Variants in USH2A observed in about 807,000 individuals in gnomAD.
The protein encoded by USH2A is Usher syndrome 2A (autosomal recessive, mild).
In USH2A, 443 loss-of-function variants were observed where a neutral mutation model predicts 538.9. That is an observed-to-expected ratio of 0.82 (90% CI 0.76 to 0.89). The LOEUF (loss-of-function observed/expected upper bound fraction) is 0.89, where lower values mean the gene tolerates loss of function less well. Ranked by LOEUF, USH2A falls within the 40% of genes least tolerant of loss-of-function variation. The probability of loss-of-function intolerance (pLI) is 0.00; values close to 1 mark genes in which losing one functional copy is unlikely to be tolerated. For missense variants in USH2A, 6,633 were observed against 6,324.8 expected, an observed-to-expected ratio of 1.05 and a Z score of -1.65; for synonymous variants, 2,413 against 2,273.5, an observed-to-expected ratio of 1.06 and a Z score of -1.75.
chr1:216,280,179 T>A (rs1448141084), intron 11 of USH2A, among the ~76,000 whole-genome samples: 2 of 151,616 alleles, frequency 1.3e-5, no homozygotes, highest in East Asian at 1.9e-4. Context: ...CAACTCAGGA[T>A]GCATGTCAAG....
At chr1:216,216,843 C>T (rs2035351678) in intron 15 of USH2A, among the ~76,000 whole-genome samples, 1 of 151,948 alleles carries the variant, frequency 6.6e-6, no homozygotes. Context: ...TAGAAAGAAA[C>T]ATGAATTATG....
chr1:215,638,618 CAA>C (rs373591243), intron 69 of USH2A, among the ~76,000 whole-genome samples: 18 of 87,542 alleles, frequency 2.1e-4, no homozygotes, highest in Middle Eastern at 8.5e-3. Context: ...GACTCTGTCT[CAA>C]AAAAAAAAAA....
At chr1:215,870,757 T>C (rs898897311) in intron 43 of USH2A, among the ~76,000 whole-genome samples, 3 of 152,206 alleles carry the variant, frequency 2.0e-5, no homozygotes, top group Non-Finnish European at 4.4e-5. Context: ...AATGTATTAG[T>C]TGGCTTGAAG....
intron 64 of USH2A, among the ~76,000 whole-genome samples, chr1:215,656,496 A>T (rs1657257882): frequency 6.6e-6 from 1 of 152,194 alleles, no homozygotes; most frequent in Non-Finnish European, 1.5e-5. Flanking sequence ...CTCCTCATAA[A>T]ATTGTAATAC....
At chr1:215,634,812 A>C (rs1656424643) in intron 69 of USH2A, 109 bp from the exon 70 acceptor site, 2 of 1,577,228 alleles carry the variant, frequency 1.3e-6, no homozygotes, top group East Asian at 4.5e-5. Flanking sequence ...AGCAGAAAGC[A>C]GTTTGTCTCT....
In USH2A at chr1:216,353,942, C is replaced by T. The variant is rs545442545; in HGVS notation, c.784+11011G>A. The stretch of plus-strand genomic sequence containing the variant: ...TTTACTGGACATGTAACTCATTGGA[C>T]GAGACCCAGGGCTACTCCCATACTT... On this transcript the variant is annotated intron_variant, in intron 4 of 71. Coordinates refer to ENST00000307340, the MANE Select transcript of USH2A (RefSeq NM_206933.4). Among the ~76,000 whole-genome samples, 43 of 152,098 alleles carry T rather than the reference C, an allele frequency of 2.8e-4. No individual in the cohort carries two copies. The East Asian group carries it at 5.8e-3, about 21-fold the overall frequency.
chr1:215,693,043 G>A (rs923956916), intron 61 of USH2A, among the ~76,000 whole-genome samples: 7 of 151,068 alleles, frequency 4.6e-5, no homozygotes, highest in Non-Finnish European at 7.4e-5. Flanking sequence ...CACCACAGGT[G>A]TGTGCCACCA....
intron 70 of USH2A, among the ~76,000 whole-genome samples, chr1:215,632,419 G>A (rs1464188811): frequency 1.3e-5 from 2 of 152,166 alleles, no homozygotes; most frequent in Non-Finnish European, 2.9e-5. Context: ...ATCTCCACAA[G>A]AATGATGGGA....
At chr1:216,002,744 AT>A (rs1332184910) in intron 32 of USH2A, among the ~76,000 whole-genome samples, 1 of 151,906 alleles carries the variant, frequency 6.6e-6, no homozygotes, top group Non-Finnish European at 1.5e-5. Flanking sequence ...TGGGGTGGGG[AT>A]TTAGCTACCC....
At chr1:215,918,573 G>T (rs984899098) in intron 38 of USH2A, among the ~76,000 whole-genome samples, 1 of 152,076 alleles carries the variant, frequency 6.6e-6, no homozygotes, top group Non-Finnish European at 1.5e-5. Context: ...AAGGCACCTA[G>T]TCTATAGTAT....
intron 11 of USH2A, among the ~76,000 whole-genome samples, chr1:216,256,398 T>C (rs2102559491): frequency 6.6e-6 from 1 of 151,804 alleles, no homozygotes; most frequent in South Asian, 2.1e-4. Context: ...GGTTTATTAG[T>C]TATAACTCTT....
At chr1:216,410,020 A>T (rs1372409411) in intron 3 of USH2A, among the ~76,000 whole-genome samples, 1 of 152,166 alleles carries the variant, frequency 6.6e-6, no homozygotes, top group Non-Finnish European at 1.5e-5. Context: ...ATCTACAAGA[A>T]AAAAACAACC....
chr1:216,122,387 A>T (rs961505910), intron 21 of USH2A, among the ~76,000 whole-genome samples: 1 of 152,198 alleles, frequency 6.6e-6, no homozygotes, highest in Non-Finnish European at 1.5e-5. Flanking sequence ...AATAAGCATA[A>T]CAATAGGTGA....
chr1:216,058,122 A>G (rs932987145), intron 30 of USH2A, among the ~76,000 whole-genome samples: 2 of 152,080 alleles, frequency 1.3e-5, no homozygotes, highest in Admixed American at 6.5e-5. Context: ...TTGAACTATG[A>G]GGTAGAAGCC....
intron 24 of USH2A, among the ~76,000 whole-genome samples, chr1:216,086,313 C>T (rs1156779119): frequency 6.6e-6 from 1 of 151,972 alleles, no homozygotes; most frequent in African/African-American, 2.4e-5. Flanking sequence ...GGTTTAGTGC[C>T]TATCACATAG....
chr1:215,685,055 T>A (rs2102676155), intron 61 of USH2A, among the ~76,000 whole-genome samples: 1 of 152,254 alleles, frequency 6.6e-6, no homozygotes. Flanking sequence ...TGATTTAGAT[T>A]ACAAATAAAA....
At chr1:215,893,837 C>T (rs996524127) in intron 40 of USH2A, among the ~76,000 whole-genome samples, 7 of 151,860 alleles carry the variant, frequency 4.6e-5, no homozygotes, top group South Asian at 4.2e-4. Context: ...CAAAGGATTC[C>T]GTATTGGTCA....
At chr1:216,374,354 G>A (rs189794459) in intron 3 of USH2A, among the ~76,000 whole-genome samples, 87 of 151,114 alleles carry the variant, frequency 5.8e-4, no homozygotes, top group East Asian at 2.7e-3. Flanking sequence ...AAAGAGGACC[G>A]CCCAGTTATT....
Position 216,360,172 on chromosome 1 carries a change from A to C in USH2A, c.784+4781T>G, listed in dbSNP as rs1296971245. On this transcript the variant is annotated intron_variant, in intron 4 of 71. Transcript: ENST00000307340. ...GGAAGCAACCAAGATGTCCTTCAGT[A>C]GGTGAATGAATAAATCAACTATGCT... Among the ~76,000 whole-genome samples the C allele has an allele frequency of 2.0e-5, 3 of 152,270 alleles. No homozygotes were observed. In the East Asian group the frequency reaches 5.8e-4, roughly 29 times the overall value.
Sources: gnomAD v4.1 joint callset for allele counts (sites outside exome capture counted in the v4.1 genomes callset) on GRCh38, gnomAD v4.1.1 for gene constraint, MANE v1.5 for transcripts, NCBI Gene and HGNC (gene_info 2026-07-23, HGNC 2026-07-21) for gene names.